Variants in GPHN observed in about 807,000 individuals in gnomAD.
GPHN encodes the protein gephyrin.
In GPHN, 17 loss-of-function variants were observed where a neutral mutation model predicts 95.5. The ratio of observed to expected loss-of-function variants is 0.18; its 90% CI spans 0.12 to 0.27. The LOEUF (loss-of-function observed/expected upper bound fraction) is 0.27, where lower values mean the gene tolerates loss of function less well. GPHN is among the 10% of genes least tolerant of loss of function. GPHN has a pLI of 1.00. For synonymous variants in GPHN, 320 were observed against 322.5 expected, an observed-to-expected ratio of 0.99 and a Z score of 0.08; for missense variants, 660 against 978.1, an observed-to-expected ratio of 0.67 and a Z score of 4.34.
rs1418392838 is a variant in GPHN, at chr14:66,508,165, C to T, written c.-363C>T. 5 of 468,342 alleles carry T rather than the reference C, an allele frequency of 1.1e-5. No homozygotes were observed. Among genetic ancestry groups the T allele is most frequent in the Admixed American group, 6.9e-5 (2 of 29,044 alleles). The allele number at this position is 468,342 out of a possible 1,614,324, so 29.0% of individuals were successfully genotyped here. On this transcript the variant is annotated 5_prime_UTR_variant, in exon 1 of 23. Coordinates refer to ENST00000478722, the MANE Select transcript of GPHN (RefSeq NM_020806.5). ...GTGCTATCCTTTCCTCTCAGTCCTG[C>T]CATCTAGCTGCCTTGGGTCTCGCGC...
At chr14:67,452,144 C>T in the GPHN span, among the ~76,000 whole-genome samples, 61 of 152,122 alleles carry the variant, frequency 4.0e-4, no homozygotes, top group African/African-American at 1.4e-3. Flanking sequence ...CCAGCCTGGC[C>T]AACATGGTGA....
the GPHN span, among the ~76,000 whole-genome samples, chr14:67,465,526 T>G: frequency 2.0e-5 from 3 of 152,174 alleles, no homozygotes; most frequent in African/African-American, 7.2e-5. Flanking sequence ...AAACAGAAAC[T>G]TCACAACAGG....
At chr14:67,419,082 G>A in the GPHN span, among the ~76,000 whole-genome samples, 1 of 152,238 alleles carries the variant, frequency 6.6e-6, no homozygotes, top group Non-Finnish European at 1.5e-5. Flanking sequence ...TGACTCAGCT[G>A]TGTGCACGGG....
chr14:67,360,370 C>T, the GPHN span: 16 of 396,496 alleles, frequency 4.0e-5, no homozygotes, highest in Non-Finnish European at 5.8e-5. Flanking sequence ...GGAGGATCGG[C>T]GGCCGGTGAG....
chr14:67,084,662 C>G (rs1327835420), intron 11 of GPHN, among the ~76,000 whole-genome samples: 1 of 152,174 alleles, frequency 6.6e-6, no homozygotes, highest in Non-Finnish European at 1.5e-5. Context: ...CAGTGTCTAG[C>G]ATATATTATG....
At chr14:67,054,395 G>A (rs1394100646) in intron 10 of GPHN, among the ~76,000 whole-genome samples, 1 of 152,158 alleles carries the variant, frequency 6.6e-6, no homozygotes, top group South Asian at 2.1e-4. Flanking sequence ...GCTAACAAGG[G>A]AAGTGAAGGA....
the GPHN span, among the ~76,000 whole-genome samples, chr14:67,466,460 T>G: frequency 6.6e-6 from 1 of 152,078 alleles, no homozygotes; most frequent in Non-Finnish European, 1.5e-5. Context: ...TGCTCTATGG[T>G]GGTGGGCACA....
chr14:66,738,870 C>A (rs1169788599), intron 2 of GPHN, among the ~76,000 whole-genome samples: 3 of 152,058 alleles, frequency 2.0e-5, no homozygotes, highest in East Asian at 3.8e-4. Flanking sequence ...CTCATGAAAT[C>A]ATTTTAATAC....
the GPHN span, among the ~76,000 whole-genome samples, chr14:67,268,713 C>T: frequency 3.0e-3 from 463 of 152,274 alleles, 1 homozygote; most frequent in South Asian, 6.4e-3. Flanking sequence ...AACCAGAGGT[C>T]GGGATTTGCC....
chr14:66,536,654 GTC>G (rs771223563), intron 1 of GPHN, among the ~76,000 whole-genome samples: 1 of 152,164 alleles, frequency 6.6e-6, no homozygotes, highest in Non-Finnish European at 1.5e-5. Context: ...GAATTGGGAA[GTC>G]TCTCTCTTTT....
the GPHN span, among the ~76,000 whole-genome samples, chr14:67,530,118 C>T: frequency 6.6e-6 from 1 of 152,202 alleles, no homozygotes; most frequent in African/African-American, 2.4e-5. Context: ...TCTGCTTATC[C>T]ATTGCAATCT....
chr14:67,208,301 A>C, the GPHN span: 2 of 1,614,022 alleles, frequency 1.2e-6, no homozygotes, highest in South Asian at 2.2e-5. Context: ...CTCAAACATA[A>C]CACTGACTTT....
intron 4 of GPHN, among the ~76,000 whole-genome samples, chr14:66,865,135 A>T (rs949470319): frequency 5.3e-5 from 8 of 152,122 alleles, no homozygotes; most frequent in Non-Finnish European, 2.9e-5. Flanking sequence ...AAGTAAGGGG[A>T]CTAAGTATAA....
chr14:66,567,396 A>G (rs187473478), intron 1 of GPHN, among the ~76,000 whole-genome samples: 2 of 152,350 alleles, frequency 1.3e-5, no homozygotes, highest in East Asian at 3.9e-4. Flanking sequence ...CAGGGGCCTG[A>G]TCATTCTGTC....
At chr14:67,380,796 A>G in the GPHN span, 2 of 1,216,618 alleles carry the variant, frequency 1.6e-6, no homozygotes, top group Non-Finnish European at 2.3e-6. Flanking sequence ...TTTTTACAGT[A>G]TTTTGCATGC....
chr14:67,341,740 A>G, the GPHN span, among the ~76,000 whole-genome samples: 2 of 152,236 alleles, frequency 1.3e-5, no homozygotes, highest in East Asian at 1.9e-4. Flanking sequence ...TGTGGAATAG[A>G]AAAGGGGGAA....
chr14:67,720,823 G>T, the GPHN span: 3 of 152,122 alleles, frequency 2.0e-5, no homozygotes, highest in African/African-American at 7.2e-5. Flanking sequence ...GATGCCTTAT[G>T]GTCCTTCTAA....
the GPHN span, among the ~76,000 whole-genome samples, chr14:67,396,300 A>G: frequency 6.6e-6 from 1 of 150,964 alleles, no homozygotes; most frequent in Admixed American, 6.6e-5. Context: ...GACGCCCACC[A>G]CCCCGCCTGG....
chr14:67,574,501 G>T, the GPHN span: 4 of 992,676 alleles, frequency 4.0e-6, no homozygotes, highest in Admixed American at 1.4e-4. The surrounding 1 kb of genome is among the most constrained non-coding windows in gnomAD (Gnocchi z 4.2). Flanking sequence ...CCTTATACGG[G>T]GCTCCTTTCT....
Sources: gnomAD v4.1 joint callset for allele counts (sites outside exome capture counted in the v4.1 genomes callset) on GRCh38, gnomAD v4.1.1 for gene constraint, Gnocchi (gnomAD v3.1) non-coding constraint, MANE v1.5 for transcripts, NCBI Gene and HGNC (gene_info 2026-07-23, HGNC 2026-07-21) for gene names.